The following AAGAB variants were observed in gnomAD, a reference collection of about 807,000 sequenced individuals.
The protein encoded by AAGAB is alpha- and gamma-adaptin-binding protein p34.
A neutral mutation model predicts 44.1 loss-of-function variants in AAGAB; 38 were observed. The ratio of observed to expected loss-of-function variants is 0.86; its 90% CI spans 0.67 to 1.13. The LOEUF (loss-of-function observed/expected upper bound fraction) is 1.13. AAGAB is among the 50% of genes most tolerant of loss of function. The probability of loss-of-function intolerance (pLI) is 0.00; values close to 1 mark genes in which losing one functional copy is unlikely to be tolerated. For synonymous variants in AAGAB, 131 were observed against 131.8 expected, an observed-to-expected ratio of 0.99 and a Z score of 0.04; for missense variants, 450 against 373.8, an observed-to-expected ratio of 1.20 and a Z score of -1.68.
At chr15:67,247,289 C>A (rs1407016416) in intron 1 of AAGAB, among the ~76,000 whole-genome samples, 1 of 152,146 alleles carries the variant, frequency 6.6e-6, no homozygotes, top group African/African-American at 2.4e-5. Context: ...TCCAGACACA[C>A]CTTGACCTTA....
intron 4 of AAGAB, among the ~76,000 whole-genome samples, chr15:67,233,753 A>G (rs1423227779): frequency 6.6e-6 from 1 of 152,214 alleles, no homozygotes; most frequent in South Asian, 2.1e-4. Context: ...ATGCACTGCA[A>G]TTGATGATTT....
At chr15:67,251,456 A>G (rs1017514451) in intron 1 of AAGAB, among the ~76,000 whole-genome samples, 2 of 152,088 alleles carry the variant, frequency 1.3e-5, no homozygotes, top group African/African-American at 4.8e-5. Context: ...AGGTCTCCCT[A>G]TGTTGCCCAG....
chr15:67,244,293 G>A (rs1052662407), intron 1 of AAGAB, among the ~76,000 whole-genome samples: 2 of 152,108 alleles, frequency 1.3e-5, no homozygotes, highest in Non-Finnish European at 2.9e-5. Flanking sequence ...TCATTATTGG[G>A]CAACAGATGG....
chr15:67,216,673 T>TC (rs1963958505), intron 5 of AAGAB, among the ~76,000 whole-genome samples: 1 of 150,488 alleles, frequency 6.6e-6, no homozygotes, highest in Non-Finnish European at 1.5e-5. Context: ...TAAAGTCCTA[T>TC]CTCCAGAACC....
At chr15:67,222,242 G>GCGCGCGCGCGCGCACACACA (rs1367738219) in intron 5 of AAGAB, among the ~76,000 whole-genome samples, 1 of 90,044 alleles carries the variant, frequency 1.1e-5, no homozygotes, top group African/African-American at 3.8e-5. Context: ...GCGCGCGCGC[G>GCGCGCGCGCGCGCACACACA]CACACACACA....
intron 5 of AAGAB, among the ~76,000 whole-genome samples, chr15:67,224,579 TCTTTTC>T: frequency 6.6e-6 from 1 of 151,294 alleles, no homozygotes; most frequent in South Asian, 2.1e-4. Context: ...CTTTTCTTTT[TCTTTTC>T]TTTTTTTTTT....
chr15:67,232,990 T>C (rs1964376749), intron 4 of AAGAB, among the ~76,000 whole-genome samples: 1 of 152,224 alleles, frequency 6.6e-6, no homozygotes, highest in Non-Finnish European at 1.5e-5. Context: ...AAAGTTATCC[T>C]CACCAATGGA....
chr15:67,210,390 C>A (rs906382831), intron 5 of AAGAB, among the ~76,000 whole-genome samples: 2 of 151,932 alleles, frequency 1.3e-5, no homozygotes, highest in African/African-American at 2.4e-5. Context: ...GTGGTGGGCA[C>A]CTGTAATCTC....
intron 5 of AAGAB, among the ~76,000 whole-genome samples, chr15:67,226,282 T>C (rs904687493): frequency 5.9e-5 from 9 of 151,922 alleles, no homozygotes; most frequent in East Asian, 1.9e-4. Flanking sequence ...ACAGGTCCGG[T>C]TGATTTTTAG....
chr15:67,254,619 C>G lies in AAGAB; in HGVS notation c.13G>C (p.Val5Leu), dbSNP rs778665736. 6.2e-6 allele frequency: 10 copies of G among 1,603,772 alleles called. No individual in the cohort carries two copies. The highest frequency in any genetic ancestry group is 7.6e-6 in the Non-Finnish European group (9 of 1,177,198). Residue 5 changes from valine (V) to leucine (L), a missense_variant, in exon 1 of 10, where the codon GTA becomes CTA. Transcript: ENST00000261880. Reference sequence around the variant, plus strand: ...CAGCTGGTGACTAACGCACAGGGTACGCCAGCAGCCATAGCTGCGCTCGCG... The same window carrying G: ...CAGCTGGTGACTAACGCACAGGGTAGGCCAGCAGCCATAGCTGCGCTCGCG... MAAG[V>L]PCALVTSCSS...
chr15:67,240,036 T>C (rs2289788), intron 1 of AAGAB, among the ~76,000 whole-genome samples: 45,198 of 152,070 alleles, frequency 0.3, 6,913 homozygotes, highest in South Asian at 0.37. Context: ...GATGTTACAA[T>C]ACTTAGCACC....
chr15:67,205,191 A>AC (rs1963658288), intron 7 of AAGAB, among the ~76,000 whole-genome samples: 1 of 152,218 alleles, frequency 6.6e-6, no homozygotes, highest in South Asian at 2.1e-4. Flanking sequence ...TATGACCTTA[A>AC]CCATTACATT....
intron 5 of AAGAB, among the ~76,000 whole-genome samples, chr15:67,222,234 G>GCACACACACA (rs779911873): frequency 4.6e-5 from 2 of 43,140 alleles, no homozygotes; most frequent in African/African-American, 2.0e-4. Context: ...ACGCGCACGC[G>GCACACACACA]CGCGCGCGCA....
chr15:67,208,700 C>G (rs367950785), intron 6 of AAGAB, 42 bp from the exon 7 acceptor site: 2 of 1,568,576 alleles, frequency 1.3e-6, no homozygotes, highest in Middle Eastern at 1.8e-4. Flanking sequence ...TAATCGTAGT[C>G]TATTTCAGAA....
rs113546620 is a variant in AAGAB, at chr15:67,254,647, C to T, written c.-16G>A. On this transcript the variant is annotated 5_prime_UTR_variant, in exon 1 of 10. Coordinates refer to ENST00000261880, the MANE Select transcript of AAGAB (RefSeq NM_024666.5). ...CAGCAGCCATAGCTGCGCTCGCGAG[C>T]CGGTTCCGTCAGGCAGCCGCTTCCG... The T allele has an allele frequency of 3.8e-5, 61 of 1,599,446 alleles. No homozygotes were observed. The highest frequency in any genetic ancestry group is 4.5e-5 in the Non-Finnish European group (53 of 1,174,998).
At chr15:67,254,711 CA>C, upstream of AAGAB, 1 of 1,458,680 alleles carries the variant, frequency 6.9e-7, no homozygotes, top group South Asian at 1.2e-5. Context: ...GAGGGGGAGA[CA>C]GGCCGGAGAG....
At position 67,204,141 on chromosome 15, in the gene AAGAB, C is replaced by A. The variant is rs1361396231; in HGVS notation, c.723G>T (p.Met241Ile). 1.3e-6 allele frequency: 2 copies of A among 1,596,678 alleles called. No homozygotes were observed. Among genetic ancestry groups the A allele is most frequent in the African/African-American group, 2.7e-5 (2 of 74,534 alleles). ...CTAATTCTTGAATATCCAGATCTAA[C>A]ATGGGATCTGAAATAGGGATTTGTC... Reference protein sequence around the residue: ...DAQVDSIVDPMLDLDIQELAS... With the variant: ...DAQVDSIVDPILDLDIQELAS... Residue 241 changes from methionine (M) to isoleucine (I), a missense_variant, in exon 8 of 10, where the codon ATG becomes ATT. By Grantham distance (10) the Met-to-Ile change is conservative. Transcript: ENST00000261880.
chr15:67,248,690 A>C (rs368596693), intron 1 of AAGAB, among the ~76,000 whole-genome samples: 2 of 152,182 alleles, frequency 1.3e-5, no homozygotes, highest in African/African-American at 2.4e-5. Flanking sequence ...CAAATTCCCA[A>C]TCTTGCAGAA....
chr15:67,247,692 T>C (rs1480568340), intron 1 of AAGAB, among the ~76,000 whole-genome samples: 1 of 152,148 alleles, frequency 6.6e-6, no homozygotes, highest in Non-Finnish European at 1.5e-5. Flanking sequence ...AAAAGACTAG[T>C]CTAAAACTTC....
Sources: allele counts gnomAD v4.1 joint callset (sites outside exome capture counted in the v4.1 genomes callset), GRCh38; gene constraint gnomAD v4.1.1; transcripts MANE v1.5; gene names NCBI Gene and HGNC (gene_info 2026-07-23, HGNC 2026-07-21).